Variants in CFTR observed in about 807,000 individuals in gnomAD.
CFTR encodes the protein CF transmembrane conductance regulator.
A neutral mutation model predicts 171.6 loss-of-function variants in CFTR; 181 were observed. That is an observed-to-expected ratio of 1.05 (90% CI 0.93 to 1.19). The LOEUF (loss-of-function observed/expected upper bound fraction) is 1.19. CFTR is among the 50% of genes most tolerant of loss of function. CFTR has a pLI of 0.00. For missense variants in CFTR, 1,968 were observed against 1,734.7 expected (o/e 1.13, Z -2.39); for synonymous variants, 583 against 608.0 (o/e 0.96, Z 0.60).
intron 20 of CFTR, among the ~76,000 whole-genome samples, 198 bp downstream of exon 20, chr7:117,612,006 G>GATATATATATATATATGTATATATATAT (rs1182188138): frequency 1.1e-3 from 87 of 76,674 alleles, no homozygotes; most frequent in Non-Finnish European, 1.6e-3. Flanking sequence ...CTTGAAATCG[G>GATATATATATATATATGTATATATATAT]ATATATATAT....
At chr7:117,557,477 G>A (rs1799379634) in intron 10 of CFTR, among the ~76,000 whole-genome samples, 1 of 151,994 alleles carries the variant, frequency 6.6e-6, no homozygotes, top group Non-Finnish European at 1.5e-5. Flanking sequence ...GCCATTAACA[G>A]ATAAAGTTGA....
chr7:117,616,078 C>T (rs767917625), intron 21 of CFTR, among the ~76,000 whole-genome samples: 1 of 152,094 alleles, frequency 6.6e-6, no homozygotes, highest in Non-Finnish European at 1.5e-5. Context: ...TCAGAACAAA[C>T]ATCATTATAA....
intron 1 of CFTR, among the ~76,000 whole-genome samples, chr7:117,489,139 C>T (rs1354572147): frequency 1.3e-5 from 2 of 152,070 alleles, no homozygotes; most frequent in African/African-American, 2.4e-5. Flanking sequence ...GTCGCCTAAG[C>T]TCAGCACTTT....
chr7:117,512,141 G>C (rs1171452341), intron 3 of CFTR, among the ~76,000 whole-genome samples: 1 of 152,116 alleles, frequency 6.6e-6, no homozygotes, highest in African/African-American at 2.4e-5. Flanking sequence ...ATAGAGAAAA[G>C]TACTATAAAA....
chr7:117,635,712 G>A (rs933253150), intron 22 of CFTR, among the ~76,000 whole-genome samples: 1 of 151,958 alleles, frequency 6.6e-6, no homozygotes, highest in African/African-American at 2.4e-5. Flanking sequence ...AATTTCATGT[G>A]TAGTGCAAGT....
rs1261628602 is a variant in CFTR at position 117,651,666 on chromosome 7, C to T, written c.3874-1176C>T. Among the ~76,000 whole-genome samples the T allele has an allele frequency of 2.0e-5, 3 of 152,036 alleles. No homozygotes were observed. In the East Asian group the frequency reaches 5.8e-4, roughly 29 times the overall value. ...TATCAGCATGGAGGTCCTAGCTGAC[C>T]TCTCTAGAGAGTTTCTGAGACATTT... is the stretch of plus-strand genomic sequence containing the variant. On this transcript the variant is annotated intron_variant, in intron 23 of 26. Transcript: ENST00000003084.
chr7:117,603,863 T>C (rs1562911805), intron 17 of CFTR, 81 bp downstream of exon 17: 2 of 1,485,310 alleles, frequency 1.3e-6, no homozygotes, highest in Non-Finnish European at 1.9e-6. Context: ...CTAATGGCAG[T>C]GCTGGCTTTT....
At chr7:117,582,042 C>T (rs1791856895) in intron 11 of CFTR, among the ~76,000 whole-genome samples, 1 of 152,114 alleles carries the variant, frequency 6.6e-6, no homozygotes, top group South Asian at 2.1e-4. Context: ...AGGCTTGAGC[C>T]ACCATGTCCA....
intron 12 of CFTR, among the ~76,000 whole-genome samples, chr7:117,589,097 C>T (rs547284885): frequency 6.6e-6 from 1 of 152,128 alleles, no homozygotes; most frequent in South Asian, 2.1e-4. Context: ...CTTTGAGGAA[C>T]TAAAAATAAT....
chr7:117,556,957 G>T (rs1247460650), intron 10 of CFTR, among the ~76,000 whole-genome samples: 1 of 151,990 alleles, frequency 6.6e-6, no homozygotes, highest in East Asian at 1.9e-4. Context: ...CTGTTGTATT[G>T]TAACTCATTA....
Position 117,531,031 on chromosome 7 carries a change from C to A in CFTR, c.406C>A (p.Leu136Met). 1 of 1,613,802 alleles carries A rather than the reference C, an allele frequency of 6.2e-7. No homozygotes were observed. Among genetic ancestry groups the A allele is most frequent in the Non-Finnish European group, 8.5e-7 (1 of 1,179,862 alleles). The change falls in exon 4 of 27, where the codon CTG becomes ATG. Residue 136 changes from leucine (L) to methionine (M), a missense_variant. Transcript: ENST00000003084. ...ATGCCTTCTCTTTATTGTGAGGACA[C>A]TGCTCCTACACCCAGCCATTTTTGG... is the stretch of plus-strand genomic sequence containing the variant. The part of the protein sequence containing the change: ...GLCLLFIVRT[L>M]LLHPAIFGLH...
At chr7:117,563,302 G>C (rs1195214030) in intron 11 of CFTR, among the ~76,000 whole-genome samples, 1 of 151,974 alleles carries the variant, frequency 6.6e-6, no homozygotes, top group Non-Finnish European at 1.5e-5. Flanking sequence ...ATTGTTGATG[G>C]TACTATTTGC....
intron 22 of CFTR, 132 bp downstream of exon 22, chr7:117,627,902 G>A: frequency 1.1e-6 from 1 of 934,836 alleles, no homozygotes; most frequent in Non-Finnish European, 1.7e-6. Flanking sequence ...AAACACACAT[G>A]TTTTATTATA....
At chr7:117,540,434 A>G in intron 8 of CFTR, 88 bp downstream of exon 8, 1 of 1,216,166 alleles carries the variant, frequency 8.2e-7, no homozygotes, top group African/African-American at 1.5e-5. Flanking sequence ...AAATGTGCGA[A>G]AAGATAGAAA....
At chr7:117,618,532 A>C (rs1259692671) in intron 21 of CFTR, among the ~76,000 whole-genome samples, 1 of 152,064 alleles carries the variant, frequency 6.6e-6, no homozygotes, top group Non-Finnish European at 1.5e-5. Flanking sequence ...CTCTTGATGA[A>C]TCATAAATTT....
chr7:117,531,560 G>A (rs761902179), intron 4 of CFTR, among the ~76,000 whole-genome samples: 4 of 152,080 alleles, frequency 2.6e-5, no homozygotes, highest in Non-Finnish European at 4.4e-5. Context: ...ATAAGTAGTA[G>A]TATCCACCGC....
At chr7:117,551,272 C>T (rs11974978) in intron 10 of CFTR, among the ~76,000 whole-genome samples, 2,698 of 152,100 alleles carry the variant, frequency 0.018, 46 homozygotes, top group Non-Finnish European at 0.028. Context: ...ATGACTGTGA[C>T]GGATGTATAT....
chr7:117,566,509 C>G (rs183126789), intron 11 of CFTR, among the ~76,000 whole-genome samples: 3 of 151,866 alleles, frequency 2.0e-5, no homozygotes, highest in African/African-American at 7.3e-5. Flanking sequence ...CACTAAATGA[C>G]TGTACCTTGA....
chr7:117,615,603 G>A (rs1792473843), intron 21 of CFTR, among the ~76,000 whole-genome samples: 1 of 151,212 alleles, frequency 6.6e-6, no homozygotes, highest in Admixed American at 6.6e-5. Context: ...TACTTTATTA[G>A]TGTGTACAAA....
Sources: gnomAD v4.1 joint callset for allele counts (sites outside exome capture counted in the v4.1 genomes callset) on GRCh38, gnomAD v4.1.1 for gene constraint, MANE v1.5 for transcripts, NCBI Gene and HGNC (gene_info 2026-07-23, HGNC 2026-07-21) for gene names.